The following VWF variants were observed in gnomAD, a reference collection of about 807,000 sequenced individuals.
The protein encoded by VWF is von Willebrand factor.
A neutral mutation model predicts 308.6 loss-of-function variants in VWF; 176 were observed. That is an observed-to-expected ratio of 0.57 (90% CI 0.50 to 0.65). VWF has a LOEUF of 0.65. VWF is among the 30% of genes least tolerant of loss of function. The pLI is 0.00. For missense variants in VWF, 3,146 were observed against 3,648.2 expected (o/e 0.86, Z 3.55); for synonymous variants, 1,385 against 1,443.4 (o/e 0.96, Z 0.92).
At chr12:6,025,206 A>C (rs1175254860) in intron 24 of VWF, among the ~76,000 whole-genome samples, 1 of 152,192 alleles carries the variant, frequency 6.6e-6, no homozygotes, top group Non-Finnish European at 1.5e-5. Context: ...GTGGGAGAGG[A>C]AGGTCTTTTG....
intron 44 of VWF, among the ~76,000 whole-genome samples, chr12:5,971,191 C>T (rs931679997): frequency 6.6e-6 from 1 of 152,168 alleles, no homozygotes; most frequent in Non-Finnish European, 1.5e-5. Flanking sequence ...CTAAAACCAC[C>T]AAGGAGGTTT....
chr12:6,039,477 C>T (rs1201802096), intron 18 of VWF, among the ~76,000 whole-genome samples: 1 of 152,152 alleles, frequency 6.6e-6, no homozygotes, highest in East Asian at 1.9e-4. Flanking sequence ...TACTTTCAGG[C>T]CAAAGCAGCT....
intron 34 of VWF, among the ~76,000 whole-genome samples, chr12:5,999,906 T>C (rs1466197500): frequency 6.6e-6 from 1 of 150,994 alleles, no homozygotes; most frequent in Non-Finnish European, 1.5e-5. Context: ...GACTAAATTA[T>C]AAGTACCCAA....
chr12:6,093,540 T>C (rs1403381961), intron 6 of VWF, among the ~76,000 whole-genome samples: 3 of 152,182 alleles, frequency 2.0e-5, no homozygotes, highest in African/African-American at 7.2e-5. Flanking sequence ...ACCTCCTGCA[T>C]ACAAACGTCC....
intron 16 of VWF, among the ~76,000 whole-genome samples, chr12:6,051,658 A>G (rs913283917): frequency 6.6e-6 from 1 of 152,156 alleles, no homozygotes; most frequent in African/African-American, 2.4e-5. Context: ...CGCCCGGGCT[A>G]GAATGCAGTG....
intron 3 of VWF, among the ~76,000 whole-genome samples, chr12:6,114,864 C>T (rs1271104422): frequency 6.6e-6 from 1 of 152,098 alleles, no homozygotes; most frequent in African/African-American, 2.4e-5. Context: ...AACCAGCCCC[C>T]ATCCACCCAG....
intron 22 of VWF, among the ~76,000 whole-genome samples, chr12:6,027,849 T>C (rs865801971): frequency 1.3e-4 from 17 of 131,264 alleles, no homozygotes; most frequent in East Asian, 8.0e-4. Context: ...GGAAGACACA[T>C]ACACACACAC....
chr12:6,112,450 C>G (rs561971417), intron 3 of VWF, among the ~76,000 whole-genome samples: 3 of 151,978 alleles, frequency 2.0e-5, no homozygotes, highest in African/African-American at 7.3e-5. Flanking sequence ...GCCTTGGAGA[C>G]TGAGAAATTA....
intron 44 of VWF, among the ~76,000 whole-genome samples, chr12:5,970,212 A>G (rs1943456067): frequency 6.6e-6 from 1 of 151,908 alleles, no homozygotes; most frequent in African/African-American, 2.4e-5. Context: ...TTACTCACTC[A>G]CTGAGCCTTG....
chr12:6,005,607 T>G (rs1271794918), intron 34 of VWF, among the ~76,000 whole-genome samples: 1 of 152,144 alleles, frequency 6.6e-6, no homozygotes, highest in Non-Finnish European at 1.5e-5. Flanking sequence ...AAAAACAGAA[T>G]TTTGAAAGCA....
intron 35 of VWF, 106 bp from the exon 36 acceptor site, chr12:5,994,713 C>T (rs1943789920): frequency 1.1e-6 from 1 of 947,696 alleles, no homozygotes. Context: ...TCAACTGCAA[C>T]ATCAGCCACA....
chr12:6,109,363 C>A (rs1945279310), intron 5 of VWF, among the ~76,000 whole-genome samples: 1 of 151,818 alleles, frequency 6.6e-6, no homozygotes, highest in Admixed American at 6.6e-5. Context: ...TAGAGTGCAA[C>A]TAAAGTGATA....
At chr12:6,005,157 C>T (rs1943912006) in intron 34 of VWF, among the ~76,000 whole-genome samples, 1 of 152,080 alleles carries the variant, frequency 6.6e-6, no homozygotes, top group Admixed American at 6.5e-5. Flanking sequence ...TGCTACCAGA[C>T]AATAAAACAT....
At position 6,070,832 on chromosome 12, in the gene VWF, C is replaced by T. The variant is rs35829863; in HGVS notation, c.1156+465G>A. 1.5e-3 allele frequency among the ~76,000 whole-genome samples: 225 copies of T among 152,282 alleles called. 1 individual carries two copies. Among genetic ancestry groups the T allele is most frequent in the Middle Eastern group, 3.4e-3 (1 of 294 alleles). On this transcript the variant is annotated intron_variant, in intron 10 of 51. Coordinates refer to ENST00000261405, the MANE Select transcript of VWF (RefSeq NM_000552.5). ...CAGGATGGGAGGAATCATTTGGTGA[C>T]CTGGTTTTCCGAGCTCTTGGACCAC...
chr12:5,980,962 G>C (rs1943598492), intron 42 of VWF, among the ~76,000 whole-genome samples: 2 of 152,124 alleles, frequency 1.3e-5, no homozygotes, highest in Admixed American at 6.5e-5. Flanking sequence ...GCTAATCTTG[G>C]TGGCTCTTTC....
chr12:6,078,493 A>G (rs1176169438), intron 6 of VWF, among the ~76,000 whole-genome samples: 1 of 152,218 alleles, frequency 6.6e-6, no homozygotes, highest in Non-Finnish European at 1.5e-5. Flanking sequence ...CAGAGTGCAG[A>G]TGAGGGTGTC....
intron 6 of VWF, among the ~76,000 whole-genome samples, chr12:6,076,508 A>G (rs545822371): frequency 6.6e-6 from 1 of 152,320 alleles, no homozygotes; most frequent in African/African-American, 2.4e-5. Context: ...AGAGTCATGG[A>G]TATATATGAT....
rs1216075007 is a variant in VWF at position 5,949,104 on chromosome 12, C to A, written c.8353G>T (p.Ala2785Ser). The A allele has an allele frequency of 6.2e-7, 1 of 1,614,026 alleles. No individual in the cohort carries two copies. Among genetic ancestry groups the A allele is most frequent in the African/African-American group, 1.3e-5 (1 of 74,946 alleles). ...SPTRTEPMQVALHCTNGSVVY... is the reference protein window; with the variant it reads ...SPTRTEPMQVSLHCTNGSVVY... Reference sequence around the variant, plus strand: ...ACAGAGCCATTGGTGCAGTGCAGGGCCACCTGCATGGGCTCCGTCCGTGTC... The same window carrying A: ...ACAGAGCCATTGGTGCAGTGCAGGGACACCTGCATGGGCTCCGTCCGTGTC... The change falls in exon 52 of 52, where the codon GCC becomes TCC. Residue 2785 changes from alanine (A) to serine (S), a missense_variant. By Grantham distance (99) the Ala-to-Ser change is moderately conservative. Around this residue, in one of 3 missense-constraint regions of VWF, gnomAD observed 989 missense variants for 1,117.4 expected, o/e 0.89. Transcript: ENST00000261405.
chr12:6,011,743 G>A lies in VWF; in HGVS notation c.5716C>T (p.Pro1906Ser), dbSNP rs1943997354. ...CTCTTCAGCAAGGTCTGGCCATCTG[G>A]CTGGCAAGTCACGGTGTGGCACTGG... Reference protein sequence around the residue: ...PDQCHTVTCQPDGQTLLKSHR... With the variant: ...PDQCHTVTCQSDGQTLLKSHR... Residue 1906 changes from proline (P) to serine (S), a missense_variant, in exon 34 of 52, where the codon CCA becomes TCA. Pro to Ser is a moderately conservative substitution (Grantham distance 74). Transcript: ENST00000261405. The A allele has an allele frequency of 6.2e-7, 1 of 1,613,602 alleles. No individual in the cohort carries two copies. Among genetic ancestry groups the A allele is most frequent in the South Asian group, 1.1e-5 (1 of 91,022 alleles).
Sources: allele counts gnomAD v4.1 joint callset (sites outside exome capture counted in the v4.1 genomes callset), GRCh38; gene constraint gnomAD v4.1.1; regional missense constraint gnomAD v4.1.1; transcripts MANE v1.5; gene names NCBI Gene and HGNC (gene_info 2026-07-23, HGNC 2026-07-21).